Variants in FRG2B observed in about 807,000 individuals in gnomAD.
FRG2B encodes the protein FSHD region gene 2 family member B, also known as protein FRG2-like-1.
For missense variants in FRG2B, 95 were observed against 310.7 expected (o/e 0.31, Z 5.22); for synonymous variants, 33 against 117.1 (o/e 0.28, Z 4.64).
At position 133,625,044 on chromosome 10, in the gene FRG2B, C is replaced by G; in HGVS notation, c.*55G>C. 2.1e-6 allele frequency: 1 copy of G among 472,856 alleles called. No homozygotes were observed. The highest frequency in any genetic ancestry group is 3.4e-6 in the Non-Finnish European group (1 of 290,328). The allele number at this position is 472,856 out of a possible 1,614,324, so 29.3% of individuals were successfully genotyped here. On this transcript the variant is annotated 3_prime_UTR_variant, in exon 4 of 4. Transcript: ENST00000425520. ...TCATCTGGAAGAATCTGAGAAGAAG[C>G]AGATCCTTGTTCTCATTCCCAGAGC... is the stretch of plus-strand genomic sequence containing the variant.
At position 133,625,428 on chromosome 10, in the gene FRG2B, A is replaced by T; in HGVS notation, c.508T>A (p.Ser170Thr). Reference sequence around the variant, plus strand: ...GAGGTCACCAAGCTTTTTCGAATTGACGGTGTTTGGACTCCTAGGGCCCGA... The same window carrying T: ...GAGGTCACCAAGCTTTTTCGAATTGTCGGTGTTTGGACTCCTAGGGCCCGA... ...RSRALGVQTP[S>T]IRKSLVTSVR... The change falls in exon 4 of 4, where the codon TCA becomes ACA. Residue 170 changes from serine to threonine, a missense_variant. Coordinates refer to ENST00000425520, the MANE Select transcript of FRG2B (RefSeq NM_001080998.2). The T allele has an allele frequency of 1.2e-6, 2 of 1,610,254 alleles. No homozygotes were observed. The highest frequency in any genetic ancestry group is 1.7e-6 in the Non-Finnish European group (2 of 1,178,766).
chr10:133,625,888 C>T lies in FRG2B; in HGVS notation c.331+34G>A, dbSNP rs1462887659. The T allele has an allele frequency of 1.6e-4, 232 of 1,446,606 alleles. 38 individuals are homozygous for T. In the Middle Eastern group the frequency reaches 8.1e-3, roughly 51 times the overall value. 89.6% of individuals were successfully genotyped at this position (1,446,606 alleles called of 1,614,324 possible). A position where few individuals can be genotyped will look rare whatever the true frequency, so the allele number is the denominator to read the frequency against. On this transcript the variant is annotated intron_variant, in intron 3 of 3. Transcript: ENST00000425520. ...TTGGGGCAAACCAAAAACAAAAAAA[C>T]CACCACCAACAACAACAAACACCAA...
At position 133,625,526 on chromosome 10, in the gene FRG2B, A is replaced by G; in HGVS notation, c.410T>C (p.Ile137Thr). Residue 137 changes from isoleucine (I) to threonine (T), a missense_variant, in exon 4 of 4, where the codon ATC becomes ACC. Ile to Thr is a moderately conservative substitution (Grantham distance 89). Transcript: ENST00000425520. ...RSSTPVHNSEIQETCDAHHRG... is the reference protein window; with the variant it reads ...RSSTPVHNSETQETCDAHHRG... The stretch of plus-strand genomic sequence containing the variant: ...ATGGTGGGCATCACAGGTCTCCTGG[A>G]TTTCACTGTTGTGCACAGGAGTGGA... The G allele has an allele frequency of 4.4e-6, 7 of 1,602,722 alleles. No individual in the cohort carries two copies. The highest frequency in any genetic ancestry group is 3.4e-6 in the Non-Finnish European group (4 of 1,174,462).
chr10:133,625,795 T>C, intron 3 of FRG2B, 127 bp downstream of exon 3: 1 of 1,293,740 alleles, frequency 7.7e-7, no homozygotes, highest in Non-Finnish European at 1.1e-6. Context: ...ATCTCAAAAA[T>C]TTACTCGTCA....
At position 133,624,925 on chromosome 10, in the gene FRG2B, C is replaced by T; in HGVS notation, c.*174G>A. On this transcript the variant is annotated 3_prime_UTR_variant, in exon 4 of 4. Coordinates refer to ENST00000425520, the MANE Select transcript of FRG2B (RefSeq NM_001080998.2). ...AGCGGTCTGCAAAATTCAGGGCTCT[C>T]ACCATTCTGAGTATACCGCTCAAGT... 1 of 220,898 alleles carries T rather than the reference C, an allele frequency of 4.5e-6. No homozygotes were observed. The highest frequency in any genetic ancestry group is 7.5e-5 in the South Asian group (1 of 13,304). The allele number at this position is 220,898 out of a possible 1,614,324, so 13.7% of individuals were successfully genotyped here.
rs1220061875 is a variant in FRG2B at position 133,624,392 on chromosome 10, G to C, written c.*707C>G. 2 of 95,350 alleles carry C rather than the reference G, an allele frequency of 2.1e-5. 1 individual carries two copies. The highest frequency in any genetic ancestry group is 3.6e-5 in the Non-Finnish European group (2 of 55,478). 5.9% of individuals were successfully genotyped at this position (95,350 alleles called of 1,614,324 possible). The stretch of plus-strand genomic sequence containing the variant: ...GGATATTAGTACTCCATGGGTTCAG[G>C]CTGGAAGAGTGAGAGCCTACAACCT... On this transcript the variant is annotated 3_prime_UTR_variant, in exon 4 of 4. Transcript: ENST00000425520.
rs1852483372 is a variant in FRG2B, at chr10:133,624,648, C to T, written c.*451G>A. 1 of 154,084 alleles carries T rather than the reference C, an allele frequency of 6.5e-6. No homozygotes were observed. Among genetic ancestry groups the T allele is most frequent in the Admixed American group, 6.1e-5 (1 of 16,306 alleles). The allele number at this position is 154,084 out of a possible 1,614,324, so 9.5% of individuals were successfully genotyped here. A position where few individuals can be genotyped will look rare whatever the true frequency, so the allele number is the denominator to read the frequency against. The stretch of plus-strand genomic sequence containing the variant: ...CTGAGGCATGAGAATTGTTTGAACC[C>T]AGGAAGCAGAGGTTGCAGTGAGCTA... On this transcript the variant is annotated 3_prime_UTR_variant, in exon 4 of 4. Coordinates refer to ENST00000425520, the MANE Select transcript of FRG2B (RefSeq NM_001080998.2).
rs1249189241 is a variant in FRG2B, at chr10:133,624,787, A to T, written c.*312T>A. Reference sequence around the variant, plus strand: ...CTTTTCTACAATCTAAAATATGCAAATTCACGATTACATTCTAATGTTTTT... The same window carrying T: ...CTTTTCTACAATCTAAAATATGCAATTTCACGATTACATTCTAATGTTTTT... On this transcript the variant is annotated 3_prime_UTR_variant, in exon 4 of 4. Coordinates refer to ENST00000425520, the MANE Select transcript of FRG2B (RefSeq NM_001080998.2). The T allele has an allele frequency of 8.8e-6, 2 of 227,870 alleles. No individual in the cohort carries two copies. The highest frequency in any genetic ancestry group is 2.3e-4 in the East Asian group (2 of 8,776). The allele number at this position is 227,870 out of a possible 1,614,324, so 14.1% of individuals were successfully genotyped here. A position where few individuals can be genotyped will look rare whatever the true frequency, so the allele number is the denominator to read the frequency against.
At position 133,624,233 on chromosome 10, in the gene FRG2B, A is replaced by C. The variant is rs1436901345; in HGVS notation, c.*866T>G. 2.2e-5 allele frequency: 2 copies of C among 89,878 alleles called. 1 individual carries two copies. The highest frequency in any genetic ancestry group is 3.7e-5 in the Non-Finnish European group (2 of 53,738). The allele number at this position is 89,878 out of a possible 1,614,324, so 5.6% of individuals were successfully genotyped here. On this transcript the variant is annotated 3_prime_UTR_variant, in exon 4 of 4. Coordinates refer to ENST00000425520, the MANE Select transcript of FRG2B (RefSeq NM_001080998.2). ...GGTCAATAAATAAGTACAATCATTT[A>C]CCATTTACTATATCTTGACTTAAAT...
In FRG2B at chr10:133,624,695, G is replaced by A. The variant is rs933371830; in HGVS notation, c.*404C>T. 5.3e-4 allele frequency: 125 copies of A among 234,252 alleles called. No homozygotes were observed. In the Admixed American group the frequency reaches 6.7e-3, roughly 13 times the overall value. The allele number at this position is 234,252 out of a possible 1,614,324, so 14.5% of individuals were successfully genotyped here. A position where few individuals can be genotyped will look rare whatever the true frequency, so the allele number is the denominator to read the frequency against. On this transcript the variant is annotated 3_prime_UTR_variant, in exon 4 of 4. Transcript: ENST00000425520. ...GCTAAGATTGTGCCACTGCACTCCA[G>A]CCTGGGTAACATAGCAAGACTGTCT...
In FRG2B at chr10:133,625,547, G is replaced by C; in HGVS notation, c.389C>G (p.Thr130Ser). The C allele has an allele frequency of 6.3e-7, 1 of 1,582,914 alleles. No homozygotes were observed. The highest frequency in any genetic ancestry group is 8.6e-7 in the Non-Finnish European group (1 of 1,166,132). The change falls in exon 4 of 4, where the codon ACT becomes AGT. Residue 130 changes from threonine (T) to serine (S), a missense_variant. Coordinates refer to ENST00000425520, the MANE Select transcript of FRG2B (RefSeq NM_001080998.2). The stretch of plus-strand genomic sequence containing the variant: ...CTGGATTTCACTGTTGTGCACAGGA[G>C]TGGAGGATCTTGATTTTTTATTCAA... The part of the protein sequence containing the change: ...LSLNKKSRSS[T>S]PVHNSEIQET...
chr10:133,626,123 TC>T, intron 2 of FRG2B, 105 bp downstream of exon 2: 1 of 733,506 alleles, frequency 1.4e-6, no homozygotes, highest in Non-Finnish European at 2.2e-6. Context: ...TTCTCCAGTG[TC>T]CAGGATCTGT....
At position 133,625,346 on chromosome 10, in the gene FRG2B, T is replaced by C. The variant is rs781587984; in HGVS notation, c.590A>G (p.Gln197Arg). The change falls in exon 4 of 4, where the codon CAG becomes CGG. Residue 197 changes from glutamine (Q) to arginine (R), a missense_variant. By Grantham distance (43) the Gln-to-Arg change is conservative (BLOSUM62 1). Transcript: ENST00000425520. Reference protein sequence around the residue: ...YQDLAQVWAQQIHSPLTCEQL... With the variant: ...YQDLAQVWAQRIHSPLTCEQL... ...CTCACAGGTAAGTGGAGAATGGATC[T>C]GCTGTGCCCACACCTGGGCTAGGTC... The C allele has an allele frequency of 6.2e-7, 1 of 1,601,168 alleles. No homozygotes were observed. Among genetic ancestry groups the C allele is most frequent in the East Asian group, 2.3e-5 (1 of 43,376 alleles).
At position 133,625,488 on chromosome 10, in the gene FRG2B, T is replaced by C. The variant is rs1395870512; in HGVS notation, c.448A>G (p.Arg150Gly). The change falls in exon 4 of 4, where the codon AGG (arginine) becomes GGG (glycine). Residue 150 changes from arginine (R) to glycine (G), a missense_variant. By Grantham distance (125) the Arg-to-Gly change is moderately radical. Transcript: ENST00000425520. Reference sequence around the variant, plus strand: ...CGCTTGCTGCGCCCAGTGCAAGCCCTGGAACGTCCCCTATGGTGGGCATCA... The same window carrying C: ...CGCTTGCTGCGCCCAGTGCAAGCCCCGGAACGTCCCCTATGGTGGGCATCA... ...TCDAHHRGRS[R>G]ACTGRSKRHR... The C allele has an allele frequency of 3.1e-6, 5 of 1,611,610 alleles. No homozygotes were observed. Among genetic ancestry groups the C allele is most frequent in the Non-Finnish European group, 4.2e-6 (5 of 1,179,356 alleles).
rs746755415 is a variant in FRG2B at position 133,625,428 on chromosome 10, A to G, written c.508T>C (p.Ser170Pro). ...RSRALGVQTP[S>P]IRKSLVTSVR... ...GAGGTCACCAAGCTTTTTCGAATTG[A>G]CGGTGTTTGGACTCCTAGGGCCCGA... Residue 170 changes from serine (S) to proline (P), a missense_variant, in exon 4 of 4, where the codon TCA (serine) becomes CCA (proline). Physicochemically the swap from Ser to Pro is moderately conservative, Grantham distance 74 (BLOSUM62 -1). Coordinates refer to ENST00000425520, the MANE Select transcript of FRG2B (RefSeq NM_001080998.2). 11 of 1,610,250 alleles carry G rather than the reference A, an allele frequency of 6.8e-6. No individual in the cohort carries two copies. In the East Asian group the frequency reaches 2.5e-4, roughly 36 times the overall value.
chr10:133,625,087 G>A lies in FRG2B; in HGVS notation c.*12C>T. On this transcript the variant is annotated 3_prime_UTR_variant, in exon 4 of 4. Coordinates refer to ENST00000425520, the MANE Select transcript of FRG2B (RefSeq NM_001080998.2). The stretch of plus-strand genomic sequence containing the variant: ...CCCAGAGCTGCATCTCTGCTGAATA[G>A]GGTCAGGGTGCTCACAGCTTAGCCT... 1 of 577,262 alleles carries A rather than the reference G, an allele frequency of 1.7e-6. No homozygotes were observed. The highest frequency in any genetic ancestry group is 2.7e-6 in the Non-Finnish European group (1 of 365,614). 35.8% of individuals were successfully genotyped at this position (577,262 alleles called of 1,614,324 possible). A position where few individuals can be genotyped will look rare whatever the true frequency, so the allele number is the denominator to read the frequency against.
Position 133,625,410 on chromosome 10 carries a change from C to T in FRG2B, c.526G>A (p.Val176Met), listed in dbSNP as rs753508884. 4.0e-5 allele frequency: 64 copies of T among 1,609,732 alleles called. No homozygotes were observed. Among genetic ancestry groups the T allele is most frequent in the Non-Finnish European group, 5.0e-5 (59 of 1,178,818 alleles). Residue 176 changes from valine to methionine, a missense_variant, in exon 4 of 4, where the codon GTG becomes ATG. Transcript: ENST00000425520. ...VQTPSIRKSL[V>M]TSVRAMSEAV... ...TCTGACATAGCTCGCACAGAGGTCA[C>T]CAAGCTTTTTCGAATTGACGGTGTT...
Position 133,625,478 on chromosome 10 carries a change from G to A in FRG2B, c.458C>T (p.Thr153Ile), listed in dbSNP as rs781104911. Residue 153 changes from threonine (T) to isoleucine (I), a missense_variant, in exon 4 of 4, where the codon ACT becomes ATT. Coordinates refer to ENST00000425520, the MANE Select transcript of FRG2B (RefSeq NM_001080998.2). ...AHHRGRSRAC[T>I]GRSKRHRSRA... ...AGACCTATGCCGCTTGCTGCGCCCA[G>A]TGCAAGCCCTGGAACGTCCCCTATG... The A allele has an allele frequency of 3.1e-6, 5 of 1,611,686 alleles. No individual in the cohort carries two copies. The highest frequency in any genetic ancestry group is 4.2e-6 in the Non-Finnish European group (5 of 1,179,374).
At chr10:133,626,154 A>T (rs1852503822) in intron 2 of FRG2B, 75 bp downstream of exon 2, 1 of 634,422 alleles carries the variant, frequency 1.6e-6, no homozygotes, top group Admixed American at 3.5e-5. Context: ...GCTGCCAAGG[A>T]GCTCCCAGTT....
Sources: gnomAD v4.1 joint callset for allele counts on GRCh38, gnomAD v4.1.1 for gene constraint, MANE v1.5 for transcripts, NCBI Gene and HGNC (gene_info 2026-07-23, HGNC 2026-07-21) for gene names.